CNOT6L: variants seen among roughly 807,000 people sequenced by gnomAD.
CNOT6L encodes CCR4-NOT transcription complex subunit 6 like.
CNOT6L carries 7 observed loss-of-function variants against 64.0 expected under a neutral mutation model. The observed-to-expected ratio is 0.11, with a 90% CI of 0.06 to 0.21. The LOEUF is 0.21. Among genes scored for constraint, CNOT6L ranks in the 10% least tolerant of loss-of-function variants. The probability of loss-of-function intolerance (pLI) is 1.00; values close to 1 mark genes in which losing one functional copy is unlikely to be tolerated. For missense variants in CNOT6L, 245 were observed against 669.0 expected (o/e 0.37, Z 6.99); for synonymous variants, 193 against 243.4 (o/e 0.79, Z 1.93).
At chr4:77,771,129 G>A (rs1479881916) in intron 4 of CNOT6L, among the ~76,000 whole-genome samples, 2 of 152,236 alleles carry the variant, frequency 1.3e-5, no homozygotes, top group East Asian at 3.9e-4. Context: ...AGATCAGCCT[G>A]ACCAACATAG....
intron 1 of CNOT6L, among the ~76,000 whole-genome samples, chr4:77,801,703 G>GGGGGGA (rs1731599463): frequency 1.7e-5 from 2 of 115,740 alleles, no homozygotes; most frequent in African/African-American, 6.6e-5. Context: ...GGGGGGGGGA[G>GGGGGGA]AATGAAACAT....
At position 77,715,978 on chromosome 4, in the gene CNOT6L, G is replaced by A. The variant is rs1720708943; in HGVS notation, c.*4453C>T. The A allele has an allele frequency of 6.6e-6, 1 of 152,516 alleles. No individual in the cohort carries two copies. The highest frequency in any genetic ancestry group is 2.4e-5 in the African/African-American group (1 of 41,432). 9.4% of individuals were successfully genotyped at this position (152,516 alleles called of 1,614,324 possible). A position where few individuals can be genotyped will look rare whatever the true frequency, so the allele number is the denominator to read the frequency against. ...AACCATAGTATAAAAGTTCTCATCTGCCTACAAATTTAAAACTTTAGTTCA... is the reference window on the plus strand; with the variant it reads ...AACCATAGTATAAAAGTTCTCATCTACCTACAAATTTAAAACTTTAGTTCA... On this transcript the variant is annotated 3_prime_UTR_variant, in exon 12 of 12. Transcript: ENST00000504123.
chr4:77,758,878 T>G (rs1024199815), intron 4 of CNOT6L, among the ~76,000 whole-genome samples: 1 of 152,138 alleles, frequency 6.6e-6, no homozygotes, highest in Non-Finnish European at 1.5e-5. Flanking sequence ...TTTACCAGAA[T>G]CTAAGTTTTC....
chr4:77,755,770 G>T (rs1443817427), intron 5 of CNOT6L, among the ~76,000 whole-genome samples: 2 of 152,014 alleles, frequency 1.3e-5, no homozygotes, highest in East Asian at 3.9e-4. Context: ...AATTTTAAAA[G>T]AATATAGCCA....
At chr4:77,726,950 G>T (rs1721916376) in intron 10 of CNOT6L, among the ~76,000 whole-genome samples, 2 of 152,092 alleles carry the variant, frequency 1.3e-5, no homozygotes, top group African/African-American at 4.8e-5. Flanking sequence ...TATACCACTT[G>T]GCTAAAAATA....
intron 3 of CNOT6L, 64 bp from the exon 4 acceptor site, chr4:77,773,230 C>CTTAAGAATGGCAA: frequency 2.0e-6 from 2 of 1,005,630 alleles, no homozygotes; most frequent in Non-Finnish European, 1.4e-6. Context: ...CTGTATTTGC[C>CTTAAGAATGGCAA]ATTCTTAAGG....
intron 1 of CNOT6L, among the ~76,000 whole-genome samples, chr4:77,799,687 G>C (rs1057148677): frequency 7.0e-6 from 1 of 141,852 alleles, no homozygotes. Flanking sequence ...CTAGGTGAGG[G>C]GAGTGAAACT....
chr4:77,807,616 A>C (rs1299067441), intron 1 of CNOT6L, among the ~76,000 whole-genome samples: 1 of 152,224 alleles, frequency 6.6e-6, no homozygotes, highest in Admixed American at 6.5e-5. Flanking sequence ...AGGCATATAT[A>C]AAGCACAGAC....
chr4:77,764,756 G>A (rs1278744029), intron 4 of CNOT6L, among the ~76,000 whole-genome samples: 6 of 152,166 alleles, frequency 3.9e-5, no homozygotes, highest in African/African-American at 1.4e-4. Flanking sequence ...CTTTCTGACT[G>A]AGCTCCTCTC....
chr4:77,721,377 T>C (rs1461204992), intron 11 of CNOT6L, among the ~76,000 whole-genome samples: 1 of 152,172 alleles, frequency 6.6e-6, no homozygotes, highest in Non-Finnish European at 1.5e-5. Flanking sequence ...GGGCTTTTAT[T>C]ATCCCAGGTT....
chr4:77,721,068 A>G (rs963336741), intron 11 of CNOT6L, among the ~76,000 whole-genome samples: 1 of 152,224 alleles, frequency 6.6e-6, no homozygotes. Context: ...AATTATTTGC[A>G]TATCAAGATA....
chr4:77,738,509 T>G (rs1176022354), intron 8 of CNOT6L, among the ~76,000 whole-genome samples: 1 of 152,114 alleles, frequency 6.6e-6, no homozygotes, highest in Non-Finnish European at 1.5e-5. Context: ...ATCCCAGCAT[T>G]TTGGGCGGCC....
chr4:77,785,112 A>C (rs1729291598), intron 1 of CNOT6L, among the ~76,000 whole-genome samples: 1 of 152,254 alleles, frequency 6.6e-6, no homozygotes, highest in Non-Finnish European at 1.5e-5. Flanking sequence ...CAGAACTGAG[A>C]AGCTGGAAAT....
intron 1 of CNOT6L, among the ~76,000 whole-genome samples, chr4:77,778,860 C>G (rs1260356485): frequency 6.6e-6 from 1 of 150,940 alleles, no homozygotes; most frequent in Non-Finnish European, 1.5e-5. Context: ...CTGGCTAACA[C>G]GGTGAAACCC....
rs1025763810 is a variant in CNOT6L at position 77,714,124 on chromosome 4, G to A, written c.*6307C>T. The A allele has an allele frequency of 3.3e-5, 5 of 152,420 alleles. No homozygotes were observed. The highest frequency in any genetic ancestry group is 9.7e-5 in the African/African-American group (4 of 41,358). 9.4% of individuals were successfully genotyped at this position (152,420 alleles called of 1,614,324 possible). Reference sequence around the variant, plus strand: ...AAAAAGTTACTAAAACACCTTGCTTGGTTTTACAGTCATGTGCTTTGCTTT... The same window carrying A: ...AAAAAGTTACTAAAACACCTTGCTTAGTTTTACAGTCATGTGCTTTGCTTT... On this transcript the variant is annotated 3_prime_UTR_variant, in exon 12 of 12. Coordinates refer to ENST00000504123, the MANE Select transcript of CNOT6L (RefSeq NM_144571.3).
intron 4 of CNOT6L, among the ~76,000 whole-genome samples, chr4:77,759,185 A>G (rs962225049): frequency 1.3e-5 from 2 of 152,010 alleles, no homozygotes; most frequent in African/African-American, 4.8e-5. Flanking sequence ...AAGATGCACA[A>G]TATATACAAA....
chr4:77,734,793 T>G (rs1478723863), intron 8 of CNOT6L, among the ~76,000 whole-genome samples: 1 of 152,198 alleles, frequency 6.6e-6, no homozygotes, highest in Non-Finnish European at 1.5e-5. Context: ...CTATTGGATC[T>G]AATTCTATTT....
chr4:77,757,666 T>G (rs1052437856), intron 4 of CNOT6L, among the ~76,000 whole-genome samples: 2 of 152,070 alleles, frequency 1.3e-5, no homozygotes, highest in African/African-American at 4.8e-5. Context: ...AAATAACAAA[T>G]CAACCAAACC....
chr4:77,759,392 C>T (rs1045609316), intron 4 of CNOT6L, among the ~76,000 whole-genome samples: 1 of 151,704 alleles, frequency 6.6e-6, no homozygotes, highest in South Asian at 2.1e-4. Flanking sequence ...AGTGAAACCC[C>T]GTCTCTACTA....
Sources: gnomAD v4.1 joint callset for allele counts (sites outside exome capture counted in the v4.1 genomes callset) on GRCh38, gnomAD v4.1.1 for gene constraint, MANE v1.5 for transcripts, NCBI Gene and HGNC (gene_info 2026-07-23, HGNC 2026-07-21) for gene names.